Variants in CFAP299 observed in about 807,000 individuals in gnomAD.
The protein encoded by CFAP299 is cilia- and flagella-associated protein 299.
CFAP299 carries 21 observed loss-of-function variants against 27.0 expected under a neutral mutation model. The ratio of observed to expected loss-of-function variants is 0.78; its 90% CI spans 0.55 to 1.12. The LOEUF (loss-of-function observed/expected upper bound fraction) is 1.12, where lower values mean the gene tolerates loss of function less well. Among genes scored for constraint, CFAP299 ranks in the 50% most tolerant of loss-of-function variants. CFAP299 has a pLI of 0.00. For missense variants in CFAP299, 310 were observed against 276.6 expected, an observed-to-expected ratio of 1.12 and a Z score of -0.86; for synonymous variants, 104 against 98.1, an observed-to-expected ratio of 1.06 and a Z score of -0.36.
intron 3 of CFAP299, among the ~76,000 whole-genome samples, chr4:80,858,460 G>A (rs1336209313): frequency 1.3e-5 from 2 of 152,074 alleles, no homozygotes; most frequent in Non-Finnish European, 2.9e-5. Context: ...GCTTTTGAAT[G>A]TGTTTGCTCT....
intron 3 of CFAP299, among the ~76,000 whole-genome samples, chr4:80,658,820 A>G (rs1057102461): frequency 1.3e-5 from 2 of 152,156 alleles, no homozygotes; most frequent in African/African-American, 4.8e-5. Flanking sequence ...AAAAGAAAGT[A>G]CTGAATCTTA....
chr4:80,422,265 G>T (rs1380721855), intron 2 of CFAP299, among the ~76,000 whole-genome samples: 1 of 151,958 alleles, frequency 6.6e-6, no homozygotes, highest in African/African-American at 2.4e-5. Flanking sequence ...GTCCTATAAA[G>T]TTGTTGGTAT....
intron 3 of CFAP299, among the ~76,000 whole-genome samples, chr4:80,638,526 G>C (rs114620714): frequency 7.4e-4 from 113 of 152,210 alleles, no homozygotes; most frequent in African/African-American, 2.5e-3. Context: ...AGAAACACTA[G>C]AGCAGGCCTA....
chr4:80,885,950 G>T (rs1264389363), intron 4 of CFAP299, among the ~76,000 whole-genome samples: 1 of 152,154 alleles, frequency 6.6e-6, no homozygotes. Context: ...TTCTGGACCT[G>T]CCCTGGGCCA....
At chr4:80,677,453 A>G (rs1480996693) in intron 3 of CFAP299, among the ~76,000 whole-genome samples, 1 of 152,050 alleles carries the variant, frequency 6.6e-6, no homozygotes, top group Non-Finnish European at 1.5e-5. Flanking sequence ...TTGTGGGGAT[A>G]ATTAATAGGT....
intron 3 of CFAP299, among the ~76,000 whole-genome samples, chr4:80,720,595 C>T (rs560681291): frequency 6.6e-6 from 1 of 152,058 alleles, no homozygotes; most frequent in Admixed American, 6.6e-5. Flanking sequence ...TTTAAACCTA[C>T]CTTTTAAGGT....
chr4:80,518,466 C>G (rs1732699401), intron 2 of CFAP299, among the ~76,000 whole-genome samples: 1 of 152,028 alleles, frequency 6.6e-6, no homozygotes, highest in Non-Finnish European at 1.5e-5. Context: ...GAGTTCCGTA[C>G]AGGAGAACCA....
intron 3 of CFAP299, among the ~76,000 whole-genome samples, chr4:80,715,823 A>G (rs1722446949): frequency 6.6e-6 from 1 of 152,006 alleles, no homozygotes; most frequent in Non-Finnish European, 1.5e-5. Context: ...CATTTTATTG[A>G]TGGAAGTTTC....
intron 2 of CFAP299, among the ~76,000 whole-genome samples, chr4:80,424,829 T>C (rs1727458965): frequency 6.6e-6 from 1 of 152,174 alleles, no homozygotes; most frequent in South Asian, 2.1e-4. Context: ...TAAACTGTCG[T>C]CAATCACTAA....
At chr4:80,484,184 A>C (rs1368405109) in intron 2 of CFAP299, among the ~76,000 whole-genome samples, 1 of 152,142 alleles carries the variant, frequency 6.6e-6, no homozygotes, top group Non-Finnish European at 1.5e-5. Flanking sequence ...GTTAGTATGG[A>C]ATGATACTTG....
At chr4:80,843,886 T>A (rs1336660031) in intron 3 of CFAP299, among the ~76,000 whole-genome samples, 1 of 151,572 alleles carries the variant, frequency 6.6e-6, no homozygotes, top group Non-Finnish European at 1.5e-5. Context: ...GCATTAGGTA[T>A]ATCTCCTAAT....
chr4:80,817,845 T>C (rs1223553011), intron 3 of CFAP299, among the ~76,000 whole-genome samples: 1 of 151,998 alleles, frequency 6.6e-6, no homozygotes, highest in Non-Finnish European at 1.5e-5. Flanking sequence ...TTTCTTCAAC[T>C]TTTATTTTAA....
At chr4:80,579,465 GT>G in intron 2 of CFAP299, among the ~76,000 whole-genome samples, 1 of 152,196 alleles carries the variant, frequency 6.6e-6, no homozygotes. Flanking sequence ...ATAGTTAAGT[GT>G]CCAGGGACAG....
chr4:80,858,020 G>A (rs1732038235), intron 3 of CFAP299, among the ~76,000 whole-genome samples: 1 of 152,092 alleles, frequency 6.6e-6, no homozygotes, highest in Non-Finnish European at 1.5e-5. Flanking sequence ...GAATTCGGCT[G>A]TGAATCCATC....
intron 3 of CFAP299, among the ~76,000 whole-genome samples, chr4:80,782,151 G>A (rs1488795510): frequency 6.6e-6 from 1 of 151,758 alleles, no homozygotes; most frequent in Non-Finnish European, 1.5e-5. Context: ...CTGTGTGATT[G>A]GTTCAGGGAC....
intron 3 of CFAP299, among the ~76,000 whole-genome samples, chr4:80,822,549 TAGG>T (rs1334691433): frequency 1.3e-5 from 2 of 152,140 alleles, no homozygotes; most frequent in African/African-American, 4.8e-5. Flanking sequence ...TTATTCATCA[TAGG>T]AGAAATAAAG....
At chr4:80,923,569 CTATTA>C (rs1560478452) in intron 4 of CFAP299, among the ~76,000 whole-genome samples, 1 of 152,024 alleles carries the variant, frequency 6.6e-6, no homozygotes, top group Non-Finnish European at 1.5e-5. Context: ...ACTCTACATC[CTATTA>C]TATTATGAGC....
chr4:80,871,336 A>G (rs866013409), intron 4 of CFAP299: 1 of 984,968 alleles, frequency 1.0e-6, no homozygotes, highest in Admixed American at 6.2e-5. Flanking sequence ...ACCTACTAAC[A>G]TTCCAAAGTC....
chr4:80,575,093 G>T (rs1180859982), intron 2 of CFAP299, among the ~76,000 whole-genome samples: 4 of 152,068 alleles, frequency 2.6e-5, no homozygotes, highest in Non-Finnish European at 4.4e-5. Flanking sequence ...TTGGGTCCCA[G>T]ACTTTCATTT....
Sources: allele counts gnomAD v4.1 joint callset (sites outside exome capture counted in the v4.1 genomes callset), GRCh38; gene constraint gnomAD v4.1.1; transcripts MANE v1.5; gene names NCBI Gene and HGNC (gene_info 2026-07-23, HGNC 2026-07-21).